TMEM255B: variants seen among roughly 807,000 people sequenced by gnomAD.
TMEM255B encodes family with sequence similarity 70, member B.
In TMEM255B, 35 loss-of-function variants were observed where a neutral mutation model predicts 34.5. The observed-to-expected ratio is 1.01, with a 90% CI of 0.77 to 1.34. TMEM255B has a LOEUF of 1.34. Ranked by LOEUF, TMEM255B falls within the 40% of genes most tolerant of loss-of-function variation. The probability of loss-of-function intolerance (pLI) is 0.00; values close to 1 mark genes in which losing one functional copy is unlikely to be tolerated. For missense variants in TMEM255B, 432 were observed against 433.2 expected (o/e 1.00, Z 0.02); for synonymous variants, 206 against 201.2 (o/e 1.02, Z -0.20).
chr13:113,811,923 A>T lies in TMEM255B; in HGVS notation c.*20A>T. 6.4e-7 allele frequency: 1 copy of T among 1,550,504 alleles called. No homozygotes were observed. Among genetic ancestry groups the T allele is most frequent in the Non-Finnish European group, 8.7e-7 (1 of 1,152,900 alleles). On this transcript the variant is annotated 3_prime_UTR_variant, in exon 9 of 9. Coordinates refer to ENST00000375353, the MANE Select transcript of TMEM255B (RefSeq NM_182614.4). The stretch of plus-strand genomic sequence containing the variant: ...CCCTGATAGAGGCGTGGAGTAAAAG[A>T]TAACTTGTTTGTTTTTTTTTTTAAA...
intron 7 of TMEM255B, among the ~76,000 whole-genome samples, chr13:113,804,605 C>T (rs546120078): frequency 4.5e-3 from 668 of 149,756 alleles, no homozygotes; most frequent in Non-Finnish European, 7.9e-3. Flanking sequence ...AAACGCACGC[C>T]GGGCCGGGGT....
intron 2 of TMEM255B, chr13:113,766,589 A>C: frequency 2.5e-6 from 1 of 397,196 alleles, no homozygotes; most frequent in Non-Finnish European, 4.8e-6. Context: ...GCAACAGGAA[A>C]TGTCCAAGGT....
At chr13:113,766,496 A>T in intron 2 of TMEM255B, 1 of 631,702 alleles carries the variant, frequency 1.6e-6, no homozygotes, top group Non-Finnish European at 2.9e-6. Flanking sequence ...TGATCTCAAA[A>T]TAGGGCCAGG....
chr13:113,762,078 C>G (rs1027623387), intron 1 of TMEM255B, among the ~76,000 whole-genome samples: 1 of 143,264 alleles, frequency 7.0e-6, no homozygotes, highest in Non-Finnish European at 1.5e-5. Flanking sequence ...TTTCACAGTG[C>G]GTGTAATAAC....
chr13:113,782,673 G>A (rs543972885), intron 3 of TMEM255B, among the ~76,000 whole-genome samples: 10 of 54,598 alleles, frequency 1.8e-4, no homozygotes, highest in African/African-American at 3.9e-4. Flanking sequence ...TGTGATGGTC[G>A]GAGGGGGGGG....
chr13:113,762,228 C>G (rs1249058076), intron 1 of TMEM255B, among the ~76,000 whole-genome samples: 1 of 151,810 alleles, frequency 6.6e-6, no homozygotes, highest in African/African-American at 2.4e-5. Context: ...AAAGATATCC[C>G]ACCTTCTTTT....
intron 8 of TMEM255B, among the ~76,000 whole-genome samples, chr13:113,811,256 G>A: frequency 7.8e-6 from 1 of 128,868 alleles, no homozygotes; most frequent in Non-Finnish European, 1.6e-5. Context: ...GTGGGGTGGG[G>A]GCCCGTGACA....
rs751076823 is a variant in TMEM255B at position 113,800,914 on chromosome 13, T to A, written c.509+2T>A. 2 of 1,207,998 alleles carry A rather than the reference T, an allele frequency of 1.7e-6. No homozygotes were observed. The highest frequency in any genetic ancestry group is 2.1e-5 in the Admixed American group (1 of 48,052). 74.8% of individuals were successfully genotyped at this position (1,207,998 alleles called of 1,614,324 possible). ...CTGTGACCTCTATGCCTGCGGGAGG[T>A]GAGGGGCACCGGGGACCCCCATATC... On this transcript the variant is annotated splice_donor_variant, in intron 6 of 8. Coordinates refer to ENST00000375353, the MANE Select transcript of TMEM255B (RefSeq NM_182614.4). LOFTEE classifies it high-confidence loss of function.
At chr13:113,802,321 C>T (rs2051081034) in intron 7 of TMEM255B, among the ~76,000 whole-genome samples, 1 of 152,248 alleles carries the variant, frequency 6.6e-6, no homozygotes, top group Non-Finnish European at 1.5e-5. Context: ...AGGGAAATCA[C>T]TGGCCCGGGC....
At chr13:113,781,192 T>C (rs1469453378) in intron 3 of TMEM255B, among the ~76,000 whole-genome samples, 2 of 152,248 alleles carry the variant, frequency 1.3e-5, no homozygotes, top group South Asian at 2.1e-4. Context: ...TTACAATTTT[T>C]GTTAAAGAGC....
At chr13:113,766,968 G>A (rs1306436631) in intron 2 of TMEM255B, among the ~76,000 whole-genome samples, 1 of 152,202 alleles carries the variant, frequency 6.6e-6, no homozygotes, top group Non-Finnish European at 1.5e-5. Context: ...ATTCTCCTAA[G>A]TGCCTGCATT....
intron 3 of TMEM255B, among the ~76,000 whole-genome samples, chr13:113,772,130 G>A (rs780763441): frequency 1.4e-4 from 21 of 152,110 alleles, no homozygotes; most frequent in African/African-American, 2.2e-4. Flanking sequence ...CCTATTGGCC[G>A]TTTGCATATG....
intron 8 of TMEM255B, among the ~76,000 whole-genome samples, chr13:113,807,441 ACG>A: frequency 7.9e-6 from 1 of 125,886 alleles, no homozygotes; most frequent in African/African-American, 3.2e-5. Context: ...TCCCCGTCAC[ACG>A]CAGGCTTACG....
intron 5 of TMEM255B, chr13:113,799,807 TC>T: frequency 1.6e-6 from 1 of 643,498 alleles, no homozygotes; most frequent in South Asian, 1.5e-5. Flanking sequence ...TGACCTCATT[TC>T]TCTTTCCAGG....
At position 113,775,063 on chromosome 13, in the gene TMEM255B, A is replaced by AG. The variant is rs1555365004; in HGVS notation, c.252+5903_252+5904insG. On this transcript the variant is annotated intron_variant, in intron 3 of 8. Coordinates refer to ENST00000375353, the MANE Select transcript of TMEM255B (RefSeq NM_182614.4). ...ACATTGCACACACAACACACCACAC[A>AG]CCACACACTCCACACACACCACATA... is the stretch of plus-strand genomic sequence containing the variant. Among the ~76,000 whole-genome samples the AG allele has an allele frequency of 2.5e-4, 27 of 107,972 alleles. 2 individuals carry two copies. The South Asian group carries it at 0.01, about 41-fold the overall frequency. The allele number at this position is 107,972 out of a possible 152,430, so 70.8% of individuals were successfully genotyped here.
At chr13:113,794,465 C>T (rs1160353549) in intron 3 of TMEM255B, among the ~76,000 whole-genome samples, 1 of 152,048 alleles carries the variant, frequency 6.6e-6, no homozygotes, top group Non-Finnish European at 1.5e-5. Flanking sequence ...GATGCCAACT[C>T]GGGGCCACAG....
Position 113,786,533 on chromosome 13 carries a change from A to G in TMEM255B, c.253-8615A>G, listed in dbSNP as rs538647155. Reference sequence around the variant, plus strand: ...CATCATCACCATTGTCACCACTGTCATCACCATTGTCACCATCGTCAACAT... The same window carrying G: ...CATCATCACCATTGTCACCACTGTCGTCACCATTGTCACCATCGTCAACAT... On this transcript the variant is annotated intron_variant, in intron 3 of 8. Coordinates refer to ENST00000375353, the MANE Select transcript of TMEM255B (RefSeq NM_182614.4). 1.1e-3 allele frequency among the ~76,000 whole-genome samples: 60 copies of G among 54,632 alleles called. No individual in the cohort carries two copies. The East Asian group carries it at 0.091, about 83-fold the overall frequency. 35.8% of individuals were successfully genotyped at this position (54,632 alleles called of 152,430 possible). A position where few individuals can be genotyped will look rare whatever the true frequency, so the allele number is the denominator to read the frequency against.
At chr13:113,775,014 C>G (rs1196250159) in intron 3 of TMEM255B, among the ~76,000 whole-genome samples, 3 of 144,470 alleles carry the variant, frequency 2.1e-5, no homozygotes, top group Admixed American at 6.8e-5. Context: ...CCACACAATA[C>G]ACAACACACA....
chr13:113,812,016 G>C lies in TMEM255B; in HGVS notation c.*113G>C. On this transcript the variant is annotated 3_prime_UTR_variant, in exon 9 of 9. Coordinates refer to ENST00000375353, the MANE Select transcript of TMEM255B (RefSeq NM_182614.4). ...CTAGAGAACCCGGGAGAATGTTCCA[G>C]AAGTCTGTCCCCTCCTTTCCTCCCT... 7.3e-7 allele frequency: 1 copy of C among 1,363,884 alleles called. No homozygotes were observed. Among genetic ancestry groups the C allele is most frequent in the Non-Finnish European group, 1.0e-6 (1 of 999,250 alleles). 84.5% of individuals were successfully genotyped at this position (1,363,884 alleles called of 1,614,324 possible). A position where few individuals can be genotyped will look rare whatever the true frequency, so the allele number is the denominator to read the frequency against.
Sources: gnomAD v4.1 joint callset for allele counts (sites outside exome capture counted in the v4.1 genomes callset) on GRCh38, gnomAD v4.1.1 for gene constraint, MANE v1.5 for transcripts, NCBI Gene and HGNC (gene_info 2026-07-23, HGNC 2026-07-21) for gene names.